The following GRIK4 variants were observed in gnomAD, a reference collection of about 807,000 sequenced individuals.
GRIK4 encodes the protein glutamate ionotropic receptor kainate type subunit 4.
Under a neutral mutation model 104.9 loss-of-function variants are expected in GRIK4, and 40 were observed. The ratio of observed to expected loss-of-function variants is 0.38; its 90% CI spans 0.30 to 0.50. The LOEUF (loss-of-function observed/expected upper bound fraction) is 0.50, where lower values mean the gene tolerates loss of function less well. Among genes scored for constraint, GRIK4 ranks in the 20% least tolerant of loss-of-function variants. GRIK4 has a pLI of 0.93. For missense variants in GRIK4, 1,047 were observed against 1,308.1 expected (o/e 0.80, Z 3.08); for synonymous variants, 485 against 524.9 (o/e 0.92, Z 1.04).
chr11:120,912,091 T>C (rs1382080986), intron 13 of GRIK4, among the ~76,000 whole-genome samples: 1 of 152,150 alleles, frequency 6.6e-6, no homozygotes, highest in East Asian at 1.9e-4. Context: ...AACTATTTAA[T>C]AGAGAAATCA....
At chr11:120,667,720 C>T (rs550538303) in intron 3 of GRIK4, among the ~76,000 whole-genome samples, 2 of 152,328 alleles carry the variant, frequency 1.3e-5, no homozygotes, top group African/African-American at 4.8e-5. Context: ...GTGGTGGACC[C>T]AGCCAGCGAG....
intron 3 of GRIK4, among the ~76,000 whole-genome samples, chr11:120,715,904 C>A (rs1040713986): frequency 9.2e-5 from 14 of 151,894 alleles, no homozygotes; most frequent in Non-Finnish European, 1.6e-4. Flanking sequence ...CTTCCTGAGC[C>A]CCTTCTTGGT....
At chr11:120,624,725 G>A (rs1949234603) in intron 1 of GRIK4, among the ~76,000 whole-genome samples, 4 of 152,070 alleles carry the variant, frequency 2.6e-5, no homozygotes, top group South Asian at 2.1e-4. Context: ...CTCCATTAGC[G>A]TAGATCCTCA....
intron 9 of GRIK4, chr11:120,869,436 C>T (rs1401038565): frequency 1.3e-5 from 2 of 152,308 alleles, no homozygotes; most frequent in Admixed American, 6.5e-5. Flanking sequence ...CTACCTGCTC[C>T]CTGTGCCCAG....
intron 5 of GRIK4, among the ~76,000 whole-genome samples, chr11:120,815,979 C>A (rs1242672407): frequency 6.6e-6 from 1 of 152,196 alleles, no homozygotes; most frequent in Non-Finnish European, 1.5e-5. Context: ...GAGATTTTAT[C>A]TTGCTTTCTT....
chr11:120,732,918 C>T (rs117969658), intron 3 of GRIK4, among the ~76,000 whole-genome samples: 3,396 of 152,160 alleles, frequency 0.022, 51 homozygotes, highest in Non-Finnish European at 0.036. Flanking sequence ...AAGATCTGTC[C>T]GATGCTGAAA....
intron 16 of GRIK4, among the ~76,000 whole-genome samples, chr11:120,960,599 C>T (rs1039470494): frequency 6.6e-6 from 1 of 152,210 alleles, no homozygotes; most frequent in Admixed American, 6.5e-5. Flanking sequence ...TTCACTAGCT[C>T]ATTTCTCACA....
At chr11:120,750,911 T>A (rs1192202562) in intron 3 of GRIK4, among the ~76,000 whole-genome samples, 1 of 152,142 alleles carries the variant, frequency 6.6e-6, no homozygotes, top group East Asian at 1.9e-4. Flanking sequence ...TAAATTCAGA[T>A]CACACAGTGG....
In GRIK4 at chr11:120,569,491, TTTACTGCTTTGTCCAAAA is replaced by T. The variant is rs139555228; in HGVS notation, c.-159+57608_-159+57625del. Among the ~76,000 whole-genome samples the T allele has an allele frequency of 2.9e-3, 449 of 152,314 alleles. 2 individuals carry two copies. The highest frequency in any genetic ancestry group is 0.01 in the African/African-American group (425 of 41,562). On this transcript the variant is annotated intron_variant, in intron 1 of 20. Transcript: ENST00000527524. ...GTCAGAAAACTAAGGCTTCAAGATGTTTACTGCTTTGTCCAAAATTAAGAAGCTCCCCTTCTCTCATGC... is the reference window on the plus strand; with the variant it reads ...GTCAGAAAACTAAGGCTTCAAGATGTTTAAGAAGCTCCCCTTCTCTCATGC...
At chr11:120,518,675 T>C (rs529336115) in intron 1 of GRIK4, among the ~76,000 whole-genome samples, 1 of 152,280 alleles carries the variant, frequency 6.6e-6, no homozygotes, top group Non-Finnish European at 1.5e-5. Context: ...CAGAGTGCAA[T>C]GTGCGCGACC....
At chr11:120,602,879 G>A (rs554771567) in intron 1 of GRIK4, among the ~76,000 whole-genome samples, 2 of 152,154 alleles carry the variant, frequency 1.3e-5, no homozygotes, top group African/African-American at 4.8e-5. Context: ...ATTTTTTTAT[G>A]TTTTGTAGAG....
At chr11:120,948,356 A>C (rs1379141270) in intron 14 of GRIK4, among the ~76,000 whole-genome samples, 1 of 152,156 alleles carries the variant, frequency 6.6e-6, no homozygotes, top group Non-Finnish European at 1.5e-5. Flanking sequence ...GAAAGAAGAG[A>C]GCTCGTATCA....
chr11:120,634,797 G>A (rs1346771890), intron 1 of GRIK4, among the ~76,000 whole-genome samples: 1 of 152,150 alleles, frequency 6.6e-6, no homozygotes, highest in East Asian at 1.9e-4. Context: ...CCTTGCCAGG[G>A]CTTCCCTTCC....
intron 1 of GRIK4, among the ~76,000 whole-genome samples, chr11:120,523,730 G>T (rs1194228476): frequency 6.6e-6 from 1 of 152,136 alleles, no homozygotes; most frequent in Non-Finnish European, 1.5e-5. Context: ...TCTCCGTGTG[G>T]CCAGTGCCTT....
chr11:120,562,297 A>G (rs371761135), intron 1 of GRIK4, among the ~76,000 whole-genome samples: 1 of 152,262 alleles, frequency 6.6e-6, no homozygotes, highest in African/African-American at 2.4e-5. Context: ...TCATTTTCCA[A>G]TAAGGCAATG....
In GRIK4 at chr11:120,817,087, CAA is replaced by C. The variant is rs551432476; in HGVS notation, c.345+1613_345+1614del. Among the ~76,000 whole-genome samples the C allele has an allele frequency of 2.0e-4, 30 of 152,246 alleles. No individual in the cohort carries two copies. The East Asian group carries it at 5.6e-3, about 28-fold the overall frequency. Reference sequence around the variant, plus strand: ...TCTGATCTTCACTAAGTGGGGCAGCCAAGACTTCAGCTCCCCATCTTCTCTCT... The same window carrying C: ...TCTGATCTTCACTAAGTGGGGCAGCCGACTTCAGCTCCCCATCTTCTCTCT... On this transcript the variant is annotated intron_variant, in intron 5 of 20. Coordinates refer to ENST00000527524, the MANE Select transcript of GRIK4 (RefSeq NM_014619.5).
At chr11:120,810,894 C>A (rs764293181) in intron 4 of GRIK4, among the ~76,000 whole-genome samples, 2 of 152,106 alleles carry the variant, frequency 1.3e-5, no homozygotes, top group Non-Finnish European at 2.9e-5. Context: ...GTCACAGGTG[C>A]TATTAACACA....
At chr11:120,593,003 C>T (rs375563492) in intron 1 of GRIK4, among the ~76,000 whole-genome samples, 3 of 151,996 alleles carry the variant, frequency 2.0e-5, no homozygotes, top group Non-Finnish European at 2.9e-5. Flanking sequence ...CCCAACATGG[C>T]GAAATCCCGT....
At chr11:120,945,799 T>C (rs1163427090) in intron 14 of GRIK4, among the ~76,000 whole-genome samples, 1 of 152,198 alleles carries the variant, frequency 6.6e-6, no homozygotes, top group Non-Finnish European at 1.5e-5. Flanking sequence ...TCTCTCTCAA[T>C]GCCTGCATAT....
Sources: gnomAD v4.1 joint callset for allele counts (sites outside exome capture counted in the v4.1 genomes callset) on GRCh38, gnomAD v4.1.1 for gene constraint, MANE v1.5 for transcripts, NCBI Gene and HGNC (gene_info 2026-07-23, HGNC 2026-07-21) for gene names.